TNFRSF21: variants seen among roughly 807,000 people sequenced by gnomAD.
The protein encoded by TNFRSF21 is TNF receptor superfamily member 21.
Under a neutral mutation model 45.6 loss-of-function variants are expected in TNFRSF21, and 19 were observed. The ratio of observed to expected loss-of-function variants is 0.42; its 90% confidence interval spans 0.29 to 0.61. The LOEUF is 0.61. Ranked by LOEUF, TNFRSF21 falls within the 20% of genes least tolerant of loss-of-function variation. TNFRSF21 has a pLI of 0.23. For missense variants in TNFRSF21, 737 were observed against 851.5 expected (o/e 0.87, Z 1.67); for synonymous variants, 314 against 335.5 (o/e 0.94, Z 0.70).
intron 3 of TNFRSF21, among the ~76,000 whole-genome samples, chr6:47,264,735 G>A (rs1439183375): frequency 2.0e-5 from 3 of 152,144 alleles, no homozygotes; most frequent in Non-Finnish European, 4.4e-5. Flanking sequence ...CACCCTAAGA[G>A]GTTAAAGAGA....
In TNFRSF21 at chr6:47,286,200, C is replaced by T. The variant is rs761617102; in HGVS notation, c.492G>A (p.Glu164=). ...GAGCACACTGCTTACACCGCACATCCTCAGTCTCTGTCCCTTTCTTCCGCA... is the reference window on the plus strand; with the variant it reads ...GAGCACACTGCTTACACCGCACATCTTCAGTCTCTGTCCCTTTCTTCCGCA... ...WGVRKKGTET[E]DVRCKQCARG... Residue 164 remains glutamate (E), a synonymous_variant, in exon 2 of 6, where the codon GAG becomes GAA. Transcript: ENST00000296861. 1.4e-5 allele frequency: 23 copies of T among 1,614,242 alleles called. No individual in the cohort carries two copies. The highest frequency in any genetic ancestry group is 1.8e-5 in the Non-Finnish European group (21 of 1,180,054).
At chr6:47,290,711 G>A (rs374258363) in intron 1 of TNFRSF21, among the ~76,000 whole-genome samples, 1 of 152,258 alleles carries the variant, frequency 6.6e-6, no homozygotes, top group African/African-American at 2.4e-5. Flanking sequence ...TACAACAAGA[G>A]ACAATTCCAG....
chr6:47,245,711 G>A lies in TNFRSF21; in HGVS notation c.1509+7545C>T, dbSNP rs578092669. Reference sequence around the variant, plus strand: ...AATGGTATATCTTACAATTGACATGGGATTCAATGAAATATAGTAATATAT... The same window carrying A: ...AATGGTATATCTTACAATTGACATGAGATTCAATGAAATATAGTAATATAT... On this transcript the variant is annotated intron_variant, in intron 4 of 5. Coordinates refer to ENST00000296861, the MANE Select transcript of TNFRSF21 (RefSeq NM_014452.5). 7.2e-4 allele frequency among the ~76,000 whole-genome samples: 109 copies of A among 151,948 alleles called. No homozygotes were observed. In the South Asian group the frequency reaches 0.022, roughly 30 times the overall value.
At chr6:47,241,180 T>C (rs965732338) in intron 4 of TNFRSF21, among the ~76,000 whole-genome samples, 2 of 152,200 alleles carry the variant, frequency 1.3e-5, no homozygotes, top group Admixed American at 6.5e-5. Flanking sequence ...TAAGAAATGC[T>C]TTCTTATTCA....
At chr6:47,272,324 C>G (rs1039431899) in intron 3 of TNFRSF21, among the ~76,000 whole-genome samples, 4 of 152,138 alleles carry the variant, frequency 2.6e-5, no homozygotes, top group Non-Finnish European at 5.9e-5. Flanking sequence ...TCTCTCAGAC[C>G]ACAGTGCAAT....
chr6:47,303,532 A>G (rs551405128), intron 1 of TNFRSF21, among the ~76,000 whole-genome samples: 1 of 152,280 alleles, frequency 6.6e-6, no homozygotes, highest in African/African-American at 2.4e-5. Context: ...AGCACCTCTC[A>G]AGAACAGTGA....
At chr6:47,256,789 C>T (rs1385183689) in intron 3 of TNFRSF21, among the ~76,000 whole-genome samples, 1 of 152,098 alleles carries the variant, frequency 6.6e-6, no homozygotes, top group Non-Finnish European at 1.5e-5. Context: ...TTCCAAACAC[C>T]AAAAGTCTTG....
At chr6:47,297,901 A>G (rs923860868) in intron 1 of TNFRSF21, among the ~76,000 whole-genome samples, 2 of 152,222 alleles carry the variant, frequency 1.3e-5, no homozygotes, top group Non-Finnish European at 2.9e-5. Context: ...TCAGATTTTT[A>G]AAAGCTATAA....
At chr6:47,298,088 A>G (rs1034916836) in intron 1 of TNFRSF21, among the ~76,000 whole-genome samples, 2 of 152,076 alleles carry the variant, frequency 1.3e-5, no homozygotes, top group Non-Finnish European at 2.9e-5. Context: ...TACTATTAAT[A>G]AGTACATTAG....
At position 47,253,336 on chromosome 6, in the gene TNFRSF21, G is replaced by A; in HGVS notation, c.1429C>T (p.Gln477Ter). The change falls in exon 4 of 6, where the codon CAG becomes TAG. Residue 477 changes from glutamine (Q) to a stop codon, truncating the protein, a stop_gained. Transcript: ENST00000296861. LOFTEE classifies it high-confidence loss of function. ...TGCTGGCGCAGGGCGCTAATTAGCT[G>A]GGCGAGGCTGGCCTCGGGGCCCCGG... ...TIRGPEASLA[Q>*]LISALRQHRR... The A allele has an allele frequency of 6.2e-7, 1 of 1,614,012 alleles. No homozygotes were observed. The highest frequency in any genetic ancestry group is 8.5e-7 in the Non-Finnish European group (1 of 1,179,992).
Position 47,234,888 on chromosome 6 carries a change from T to C in TNFRSF21, c.1520A>G (p.Asp507Gly). The C allele has an allele frequency of 1.4e-6, 2 of 1,380,056 alleles. No homozygotes were observed. Among genetic ancestry groups the C allele is most frequent in the Non-Finnish European group, 1.9e-6 (2 of 1,066,288 alleles). The allele number at this position is 1,380,056 out of a possible 1,614,324, so 85.5% of individuals were successfully genotyped here. ...GGGGCTCATCGGGAGAGCTAGTTTG[T>C]CAGTTTCCAGCTGTAGGAGGGAAAA... ...LMEDTTQLETDKLALPMSPSP... is the reference protein window; with the variant it reads ...LMEDTTQLETGKLALPMSPSP... Residue 507 changes from aspartate (D) to glycine (G), a missense_variant, in exon 5 of 6, where the codon GAC becomes GGC. Physicochemically the swap from Asp to Gly is moderately conservative, Grantham distance 94 (BLOSUM62 -1). Transcript: ENST00000296861.
At position 47,286,128 on chromosome 6, in the gene TNFRSF21, T is replaced by C. The variant is rs761654463; in HGVS notation, c.564A>G (p.Ala188=). ...GGTTCTGACTCAGACAGTCTGTGTA[T>C]GCTTTGCATTTCATCACACTAGAAG... ...DVPSSVMKCK[A]YTDCLSQNLV... The change falls in exon 2 of 6, where the codon GCA becomes GCG. Residue 188 remains alanine, a synonymous_variant. Transcript: ENST00000296861. The C allele has an allele frequency of 3.7e-6, 6 of 1,614,100 alleles. No homozygotes were observed. The highest frequency in any genetic ancestry group is 1.7e-5 in the Admixed American group (1 of 60,008).
intron 1 of TNFRSF21, among the ~76,000 whole-genome samples, chr6:47,308,872 T>C (rs1438227635): frequency 1.3e-5 from 2 of 152,228 alleles, no homozygotes; most frequent in African/African-American, 2.4e-5. Context: ...TGCGCCCTGC[T>C]CGGGAATGCA....
chr6:47,256,432 G>A (rs1365911133), intron 3 of TNFRSF21, among the ~76,000 whole-genome samples: 3 of 152,238 alleles, frequency 2.0e-5, no homozygotes, highest in Non-Finnish European at 4.4e-5. Flanking sequence ...ACTGAGGTGG[G>A]AGGATTGCTT....
At chr6:47,278,069 A>C (rs1762523178) in intron 3 of TNFRSF21, among the ~76,000 whole-genome samples, 1 of 152,144 alleles carries the variant, frequency 6.6e-6, no homozygotes, top group African/African-American at 2.4e-5. Context: ...GATGTGTTTC[A>C]CTTTGAAATA....
chr6:47,234,453 T>C (rs936689720), intron 5 of TNFRSF21, among the ~76,000 whole-genome samples: 1 of 152,206 alleles, frequency 6.6e-6, no homozygotes, highest in Non-Finnish European at 1.5e-5. Context: ...CACCGGGCAG[T>C]GCGAGCTGCA....
chr6:47,308,045 T>A (rs538321389), intron 1 of TNFRSF21, among the ~76,000 whole-genome samples: 104 of 152,334 alleles, frequency 6.8e-4, no homozygotes, highest in Non-Finnish European at 1.2e-3. Flanking sequence ...CTGCTTACCA[T>A]CCACCACACT....
At chr6:47,273,332 C>T (rs1045371852) in intron 3 of TNFRSF21, among the ~76,000 whole-genome samples, 1 of 152,206 alleles carries the variant, frequency 6.6e-6, no homozygotes, top group Admixed American at 6.5e-5. Context: ...AAGTCAGCTT[C>T]ATCCCTGGGA....
chr6:47,275,664 G>GA (rs11406009), intron 3 of TNFRSF21, among the ~76,000 whole-genome samples: 46,936 of 151,140 alleles, frequency 0.31, 7,475 homozygotes, highest in Non-Finnish European at 0.35. Flanking sequence ...TTTAAAAAAA[G>GA]AAAAAAAAAT....
Sources: gnomAD v4.1 joint callset for allele counts (sites outside exome capture counted in the v4.1 genomes callset) on GRCh38, gnomAD v4.1.1 for gene constraint, MANE v1.5 for transcripts, NCBI Gene and HGNC (gene_info 2026-07-23, HGNC 2026-07-21) for gene names.